SYNE1: variants seen among roughly 807,000 people sequenced by gnomAD.
SYNE1 encodes spectrin repeat containing nuclear envelope protein 1.
Under a neutral mutation model 1,111.0 loss-of-function variants are expected in SYNE1, and 616 were observed. That is an observed-to-expected ratio of 0.55 (90% CI 0.52 to 0.59). The LOEUF (loss-of-function observed/expected upper bound fraction) is 0.59, where lower values mean the gene tolerates loss of function less well. Ranked by LOEUF, SYNE1 falls within the 20% of genes least tolerant of loss-of-function variation. The pLI, the probability that SYNE1 is intolerant of heterozygous loss-of-function variation, is 0.00. For missense variants in SYNE1, 10,006 were observed against 10,417.0 expected (o/e 0.96, Z 1.72); for synonymous variants, 3,855 against 3,825.8 (o/e 1.01, Z -0.28).
At chr6:152,144,814 C>G (rs1032361277) in intron 137 of SYNE1, 21 of 154,492 alleles carry the variant, frequency 1.4e-4, no homozygotes, top group African/African-American at 4.3e-4. Flanking sequence ...AACTCCTGCA[C>G]TACAGTTTGT....
At position 152,449,520 on chromosome 6, in the gene SYNE1, A is replaced by G. The variant is rs772784317; in HGVS notation, c.3504+13T>C. The G allele has an allele frequency of 3.1e-6, 5 of 1,596,168 alleles. No individual in the cohort carries two copies. The African/African-American group carries it at 4.0e-5, about 13-fold the overall frequency. On this transcript the variant is annotated intron_variant, in intron 28 of 145. Transcript: ENST00000367255. ...AGAAATTTTCCTCTAGCAAATAATG[A>G]CCCTGAACTTACTTCAACGGCACGT...
At chr6:152,591,985 A>T (rs1583052779) in intron 3 of SYNE1, among the ~76,000 whole-genome samples, 1 of 152,152 alleles carries the variant, frequency 6.6e-6, no homozygotes, top group Non-Finnish European at 1.5e-5. Flanking sequence ...ATCTCACACT[A>T]GTCAGAATGG....
Position 152,442,216 on chromosome 6 carries a change from CTTCTT to C in SYNE1, c.3862_3866del (p.Lys1288GlufsTer19). 6.2e-7 allele frequency: 1 copy of C among 1,613,462 alleles called. No individual in the cohort carries two copies. Among genetic ancestry groups the C allele is most frequent in the South Asian group, 1.1e-5 (1 of 91,084 alleles). On this transcript the variant is annotated frameshift_variant, in exon 31 of 146. Transcript: ENST00000367255. LOFTEE classifies it high-confidence loss of function. ...GCGCGATCTGCTGCTGCACATCTCT[CTTCTT>C]TGCTGAGATCCGCTTTGTCTTTTGC... is the stretch of plus-strand genomic sequence containing the variant.
At position 152,354,706 on chromosome 6, in the gene SYNE1, G is replaced by T. The variant is rs149712464; in HGVS notation, c.10879C>A (p.Arg3627Ser). 1.1e-5 allele frequency: 18 copies of T among 1,614,042 alleles called. No individual in the cohort carries two copies. Among genetic ancestry groups the T allele is most frequent in the Non-Finnish European group, 1.5e-5 (18 of 1,180,040 alleles). Reference sequence around the variant, plus strand: ...TCCTTGGTTGCCCTGTTAGACTGACGTCTGGTCCTGGGACTAACTTTCTCC... The same window carrying T: ...TCCTTGGTTGCCCTGTTAGACTGACTTCTGGTCCTGGGACTAACTTTCTCC... ...AEEKVSPRTR[R>S]QSNRATKEIQ... Residue 3627 changes from arginine to serine, a missense_variant, in exon 67 of 146, where the codon CGT becomes AGT. Around this residue, in one of 7 missense-constraint regions of SYNE1, gnomAD observed 4,955 missense variants for 5,017.2 expected, o/e 0.99. Coordinates refer to ENST00000367255, the MANE Select transcript of SYNE1 (RefSeq NM_182961.4).
intron 74 of SYNE1, among the ~76,000 whole-genome samples, chr6:152,343,230 G>A (rs1297304993): frequency 6.7e-6 from 1 of 149,966 alleles, no homozygotes; most frequent in Non-Finnish European, 1.5e-5. Context: ...TTGGCTCACT[G>A]CAACCTCCGC....
chr6:152,279,587 A>G (rs1228581825), intron 97 of SYNE1, among the ~76,000 whole-genome samples: 1 of 152,000 alleles, frequency 6.6e-6, no homozygotes, highest in Non-Finnish European at 1.5e-5. Context: ...GCGTGGTGGC[A>G]CGTGCCTGTA....
At chr6:152,272,228 T>G (rs2093267244) in intron 98 of SYNE1, among the ~76,000 whole-genome samples, 1 of 152,222 alleles carries the variant, frequency 6.6e-6, no homozygotes, top group Non-Finnish European at 1.5e-5. Flanking sequence ...TTTCATTCTC[T>G]TTCCCCTGGG....
At chr6:152,216,418 T>A (rs2078683084) in intron 121 of SYNE1, among the ~76,000 whole-genome samples, 1 of 152,172 alleles carries the variant, frequency 6.6e-6, no homozygotes, top group Non-Finnish European at 1.5e-5. Context: ...GGGGGCCTGG[T>A]CCTGGACAGA....
In SYNE1 at chr6:152,154,956, G is replaced by A; in HGVS notation, c.24065C>T (p.Ala8022Val). The change falls in exon 133 of 146, where the codon GCT becomes GTT. Residue 8022 changes from alanine to valine, a missense_variant. Ala to Val is a moderately conservative substitution (Grantham distance 64). Around this residue, in one of 7 missense-constraint regions of SYNE1, gnomAD observed 2,182 missense variants for 2,287.8 expected, o/e 0.95. Coordinates refer to ENST00000367255, the MANE Select transcript of SYNE1 (RefSeq NM_182961.4). ...EDWLKSSERT[A>V]AFPSSSGVIY... ...CACCCCAGAAGAGCTGGGAAAAGCA[G>A]CTGTCCTTTCTGAAGACTTCAGCCA... 1.2e-6 allele frequency: 2 copies of A among 1,614,214 alleles called. No individual in the cohort carries two copies. The highest frequency in any genetic ancestry group is 1.7e-6 in the Non-Finnish European group (2 of 1,180,040).
intron 137 of SYNE1, chr6:152,145,669 T>C: frequency 2.2e-6 from 2 of 917,092 alleles, no homozygotes; most frequent in African/African-American, 3.2e-5. Context: ...TCTAGACACA[T>C]AGCTCCTGAG....
intron 3 of SYNE1, among the ~76,000 whole-genome samples, chr6:152,548,742 C>T (rs1375160377): frequency 6.6e-6 from 1 of 152,122 alleles, no homozygotes; most frequent in African/African-American, 2.4e-5. Flanking sequence ...TAAATTATGG[C>T]CACAAAATCC....
intron 99 of SYNE1, 108 bp from the exon 100 acceptor site, chr6:152,268,273 T>A (rs2153673800): frequency 2.5e-6 from 2 of 808,988 alleles, no homozygotes; most frequent in South Asian, 1.4e-5. Context: ...AGTGAGCTTT[T>A]AAGTTTGCAT....
chr6:152,623,080 T>C (rs1448412176), intron 3 of SYNE1, among the ~76,000 whole-genome samples: 1 of 152,062 alleles, frequency 6.6e-6, no homozygotes, highest in East Asian at 1.9e-4. Flanking sequence ...GGAGGCATCA[T>C]GCTACCCAAC....
Position 152,309,999 on chromosome 6 carries a change from C to G in SYNE1, c.17038G>C (p.Glu5680Gln). ...GCTTGCACCTTCGGCTTCAGTGACT[C>G]CATCTCAGACAACAAATGCTGAAAA... ...SHRQHLLSEM[E>Q]SLKPKVQAVQ... Residue 5680 changes from glutamate to glutamine, a missense_variant, in exon 90 of 146, where the codon GAG (glutamate) becomes CAG (glutamine). Glu to Gln is a conservative substitution (Grantham distance 29). Coordinates refer to ENST00000367255, the MANE Select transcript of SYNE1 (RefSeq NM_182961.4). 1 of 1,613,876 alleles carries G rather than the reference C, an allele frequency of 6.2e-7. No individual in the cohort carries two copies. The highest frequency in any genetic ancestry group is 8.5e-7 in the Non-Finnish European group (1 of 1,180,032).
intron 106 of SYNE1, among the ~76,000 whole-genome samples, chr6:152,243,480 C>T (rs2086288991): frequency 6.6e-6 from 1 of 152,098 alleles, no homozygotes; most frequent in African/African-American, 2.4e-5. Context: ...TAACATATCA[C>T]ATTAAGGTTT....
At chr6:152,173,574 C>T (rs552573973) in intron 130 of SYNE1, among the ~76,000 whole-genome samples, 10 of 152,178 alleles carry the variant, frequency 6.6e-5, no homozygotes, top group Non-Finnish European at 1.5e-4. Flanking sequence ...TGTGCACTAA[C>T]GAAGCACCAA....
intron 6 of SYNE1, chr6:152,511,599 G>A (rs2099085299): frequency 6.2e-7 from 1 of 1,611,730 alleles, no homozygotes; most frequent in African/African-American, 1.3e-5. Context: ...GGACTGACAT[G>A]AAAAACAAAG....
Position 152,367,489 on chromosome 6 carries a change from C to T in SYNE1, c.9808-107G>A, listed in dbSNP as rs2097102091. ...CAATCAGTCATGGCTTCATACGCTG[C>T]ACAGATACGAGGCAAGTCTGGCCTA... On this transcript the variant is annotated intron_variant, in intron 61 of 145. Transcript: ENST00000367255. 2.3e-6 allele frequency: 3 copies of T among 1,306,668 alleles called. No individual in the cohort carries two copies. The Admixed American group carries it at 5.0e-5, about 22-fold the overall frequency. 80.9% of individuals were successfully genotyped at this position (1,306,668 alleles called of 1,614,324 possible). A position where few individuals can be genotyped will look rare whatever the true frequency, so the allele number is the denominator to read the frequency against.
At chr6:152,532,069 A>G (rs1290370116) in intron 4 of SYNE1, among the ~76,000 whole-genome samples, 1 of 152,192 alleles carries the variant, frequency 6.6e-6, no homozygotes, top group East Asian at 1.9e-4. Flanking sequence ...TATTTTTTGA[A>G]AAACTGACAT....
Sources: gnomAD v4.1 joint callset for allele counts (sites outside exome capture counted in the v4.1 genomes callset) on GRCh38, gnomAD v4.1.1 for gene constraint, gnomAD v4.1.1 regional missense constraint, MANE v1.5 for transcripts, NCBI Gene and HGNC (gene_info 2026-07-23, HGNC 2026-07-21) for gene names.